C7orf78: variants seen among roughly 807,000 people sequenced by gnomAD.
C7orf78 encodes putative uncharacterized protein C7orf78.
the C7orf78 span, among the ~76,000 whole-genome samples, chr7:12,535,715 G>A: frequency 3.3e-5 from 5 of 152,334 alleles, no homozygotes; most frequent in South Asian, 4.1e-4. Context: ...AAGCAAGTTA[G>A]TTACTTCCTA....
At chr7:12,541,245 T>C in the C7orf78 span, 1 of 152,174 alleles carries the variant, frequency 6.6e-6, no homozygotes, top group Non-Finnish European at 1.5e-5. Context: ...TAGTCTCAGG[T>C]AAAGCTAATG....
the C7orf78 span, among the ~76,000 whole-genome samples, chr7:12,498,841 C>T: frequency 1.3e-5 from 2 of 150,968 alleles, no homozygotes; most frequent in Non-Finnish European, 3.0e-5. Flanking sequence ...AGAGAAAGGT[C>T]GGGTTACCCT....
the C7orf78 span, among the ~76,000 whole-genome samples, chr7:12,512,789 G>C: frequency 6.6e-6 from 1 of 152,144 alleles, no homozygotes; most frequent in African/African-American, 2.4e-5. Context: ...CAGTTTAGCA[G>C]TGAATCCATC....
At chr7:12,530,907 T>C in the C7orf78 span, 1 of 395,522 alleles carries the variant, frequency 2.5e-6, no homozygotes, top group Non-Finnish European at 4.5e-6. Flanking sequence ...GGAATACAGA[T>C]ACACTTTTAA....
the C7orf78 span, among the ~76,000 whole-genome samples, chr7:12,531,788 A>G: frequency 2.0e-5 from 3 of 152,160 alleles, no homozygotes; most frequent in African/African-American, 7.2e-5. Context: ...TTCAGGACAC[A>G]GACACATGTG....
At chr7:12,488,370 A>G in the C7orf78 span, among the ~76,000 whole-genome samples, 724 of 152,198 alleles carry the variant, frequency 4.8e-3, 12 homozygotes, top group East Asian at 0.046. Flanking sequence ...ATGAGATTCA[A>G]TCATGGCAAA....
At chr7:12,488,619 A>C in the C7orf78 span, among the ~76,000 whole-genome samples, 2 of 152,056 alleles carry the variant, frequency 1.3e-5, no homozygotes, top group Admixed American at 1.3e-4. Flanking sequence ...CCATATGGCC[A>C]GCTGCACCTT....
At chr7:12,500,176 AAAGC>A in the C7orf78 span, among the ~76,000 whole-genome samples, 1 of 150,082 alleles carries the variant, frequency 6.7e-6, no homozygotes, top group Non-Finnish European at 1.5e-5. Context: ...AAGAACTAGA[AAAGC>A]AAGAGCAAAC....
the C7orf78 span, among the ~76,000 whole-genome samples, chr7:12,537,272 G>A: frequency 6.6e-6 from 1 of 152,218 alleles, no homozygotes; most frequent in Non-Finnish European, 1.5e-5. Flanking sequence ...GCAGACAAGA[G>A]AAGAGAGCTT....
chr7:12,523,004 T>C, the C7orf78 span: 1 of 398,212 alleles, frequency 2.5e-6, no homozygotes, highest in Non-Finnish European at 4.4e-6. Context: ...CCACATAATA[T>C]ACCATGAGTC....
At chr7:12,505,233 T>A in the C7orf78 span, among the ~76,000 whole-genome samples, 1 of 152,100 alleles carries the variant, frequency 6.6e-6, no homozygotes, top group African/African-American at 2.4e-5. Flanking sequence ...TTGGCAAACA[T>A]AATTATTATG....
the C7orf78 span, among the ~76,000 whole-genome samples, chr7:12,503,716 T>A: frequency 6.6e-6 from 1 of 152,172 alleles, no homozygotes; most frequent in Non-Finnish European, 1.5e-5. Context: ...CCATTATATT[T>A]GAAGTTTTCT....
chr7:12,526,559 T>C, the C7orf78 span, among the ~76,000 whole-genome samples: 3 of 152,188 alleles, frequency 2.0e-5, no homozygotes, highest in Non-Finnish European at 4.4e-5. Context: ...AGTTACATTT[T>C]ATTTCCTCTT....
the C7orf78 span, among the ~76,000 whole-genome samples, chr7:12,503,038 T>A: frequency 1.5e-5 from 2 of 133,554 alleles, no homozygotes; most frequent in Non-Finnish European, 3.1e-5. Context: ...AACAATGAGA[T>A]CACATGGACA....
chr7:12,535,954 A>G, the C7orf78 span, among the ~76,000 whole-genome samples: 1 of 152,178 alleles, frequency 6.6e-6, no homozygotes, highest in Non-Finnish European at 1.5e-5. Context: ...GCTTTGCAGG[A>G]TACAGCCTCC....
the C7orf78 span, among the ~76,000 whole-genome samples, chr7:12,516,878 C>A: frequency 6.6e-6 from 1 of 152,176 alleles, no homozygotes. Flanking sequence ...AAGGAAGTAA[C>A]TAGCTTGCTT....
chr7:12,518,625 G>A, the C7orf78 span, among the ~76,000 whole-genome samples: 1 of 152,090 alleles, frequency 6.6e-6, no homozygotes, highest in Non-Finnish European at 1.5e-5. Context: ...TAAAATAGAT[G>A]GTATAGGTGG....
At chr7:12,493,203 A>C in the C7orf78 span, among the ~76,000 whole-genome samples, 1 of 152,232 alleles carries the variant, frequency 6.6e-6, no homozygotes, top group African/African-American at 2.4e-5. Flanking sequence ...CAAATAAGTA[A>C]GTAAATAAAT....
chr7:12,524,827 TAATA>T, the C7orf78 span, among the ~76,000 whole-genome samples: 54 of 151,708 alleles, frequency 3.6e-4, no homozygotes, highest in Non-Finnish European at 5.0e-4. Flanking sequence ...CAAAAAATAA[TAATA>T]AATAAATAAA....
Sources: allele counts gnomAD v4.1 joint callset (sites outside exome capture counted in the v4.1 genomes callset), GRCh38; gene constraint gnomAD v4.1.1; transcripts MANE v1.5; gene names NCBI Gene and HGNC (gene_info 2026-07-23, HGNC 2026-07-21).